The following SVEP1 variants were observed in gnomAD, a reference collection of about 807,000 sequenced individuals.
SVEP1 encodes the protein sushi, von Willebrand factor type A, EGF and pentraxin domain containing 1, also known as sushi, von Willebrand factor type A, EGF and pentraxin domain-containing protein 1.
In SVEP1, 164 loss-of-function variants were observed where a neutral mutation model predicts 367.3. The ratio of observed to expected loss-of-function variants is 0.45; its 90% confidence interval spans 0.39 to 0.51. The LOEUF is 0.51. SVEP1 is among the 20% of genes least tolerant of loss of function. The pLI, the probability that SVEP1 is intolerant of heterozygous loss-of-function variation, is 0.00. For synonymous variants in SVEP1, 1,666 were observed against 1,611.6 expected, an observed-to-expected ratio of 1.03 and a Z score of -0.81; for missense variants, 4,117 against 4,425.3, an observed-to-expected ratio of 0.93 and a Z score of 1.98.
At chr9:110,399,429 G>C (rs918157378) in intron 40 of SVEP1, among the ~76,000 whole-genome samples, 1 of 152,066 alleles carries the variant, frequency 6.6e-6, no homozygotes, top group Non-Finnish European at 1.5e-5. Flanking sequence ...CATGGCACAT[G>C]TATACATATG....
chr9:110,423,168 T>TAAAAA, intron 36 of SVEP1, among the ~76,000 whole-genome samples: 5 of 103,640 alleles, frequency 4.8e-5, no homozygotes, highest in South Asian at 3.1e-4. Context: ...AAAAATAAAG[T>TAAAAA]AAAAAAAAAA....
At chr9:110,464,466 T>C (rs988449994) in intron 18 of SVEP1, among the ~76,000 whole-genome samples, 2 of 152,228 alleles carry the variant, frequency 1.3e-5, no homozygotes, top group African/African-American at 4.8e-5. Flanking sequence ...AATGCACTTA[T>C]GAGGACTACA....
At chr9:110,525,590 C>T (rs1020175122) in intron 3 of SVEP1, among the ~76,000 whole-genome samples, 1 of 151,702 alleles carries the variant, frequency 6.6e-6, no homozygotes, top group Non-Finnish European at 1.5e-5. Context: ...TATGGGAAGG[C>T]AAAGAAATTA....
chr9:110,569,662 AT>A (rs1196903233), intron 1 of SVEP1, among the ~76,000 whole-genome samples: 1 of 152,032 alleles, frequency 6.6e-6, no homozygotes, highest in African/African-American at 2.4e-5. Flanking sequence ...CCCTTAAATT[AT>A]TTTTTTCTCT....
chr9:110,525,362 A>G (rs189626172), intron 3 of SVEP1, among the ~76,000 whole-genome samples: 277 of 152,320 alleles, frequency 1.8e-3, no homozygotes, highest in Non-Finnish European at 3.4e-3. Context: ...ATTATTTACT[A>G]TTGCTCAAAA....
intron 31 of SVEP1, among the ~76,000 whole-genome samples, 151 bp from the exon 32 acceptor site, chr9:110,432,185 T>C (rs1472891852): frequency 6.6e-6 from 1 of 152,218 alleles, no homozygotes; most frequent in Non-Finnish European, 1.5e-5. Context: ...ATAATCACAT[T>C]GCAGATATAC....
chr9:110,370,682 C>T (rs1827261812), intron 46 of SVEP1, among the ~76,000 whole-genome samples: 1 of 152,154 alleles, frequency 6.6e-6, no homozygotes, highest in Admixed American at 6.6e-5. Flanking sequence ...CTCACAAATC[C>T]ATAATCTCAT....
chr9:110,431,731 T>G (rs1828351898), intron 32 of SVEP1, among the ~76,000 whole-genome samples, 184 bp downstream of exon 32: 1 of 152,222 alleles, frequency 6.6e-6, no homozygotes, highest in Non-Finnish European at 1.5e-5. Flanking sequence ...GGAGGCACAA[T>G]GCTACTTTAA....
At chr9:110,447,107 C>G (rs1828613437) in intron 24 of SVEP1, 50 bp from the exon 25 acceptor site, 2 of 1,335,132 alleles carry the variant, frequency 1.5e-6, no homozygotes, top group South Asian at 4.2e-5. Context: ...TAGGAAGTCT[C>G]CCATTTATGA....
chr9:110,423,095 G>C (rs2991362), intron 36 of SVEP1, among the ~76,000 whole-genome samples: 2 of 127,466 alleles, frequency 1.6e-5, no homozygotes, highest in African/African-American at 3.1e-5. Flanking sequence ...CAATGTGCAC[G>C]TGTACCCTAA....
intron 41 of SVEP1, 43 bp downstream of exon 41, chr9:110,389,481 C>A (rs1827591322): frequency 6.2e-7 from 1 of 1,602,550 alleles, no homozygotes; most frequent in South Asian, 1.1e-5. Flanking sequence ...TATTTTGTGT[C>A]CTCAGTGTCA....
chr9:110,432,903 C>T (rs887157121), intron 30 of SVEP1, among the ~76,000 whole-genome samples: 2 of 152,192 alleles, frequency 1.3e-5, no homozygotes, highest in African/African-American at 2.4e-5. Flanking sequence ...GCCCAAATCT[C>T]ATGTTGAAAT....
At chr9:110,521,760 A>G (rs1032619089) in intron 3 of SVEP1, among the ~76,000 whole-genome samples, 4 of 152,190 alleles carry the variant, frequency 2.6e-5, no homozygotes, top group Non-Finnish European at 5.9e-5. Flanking sequence ...ATTGGCAAGT[A>G]CTTTTAGGAG....
chr9:110,401,105 A>C, intron 39 of SVEP1, 96 bp from the exon 40 acceptor site: 2 of 1,468,976 alleles, frequency 1.4e-6, no homozygotes, highest in Non-Finnish European at 1.8e-6. Context: ...AATAATCTCC[A>C]AAATGATAGT....
At chr9:110,507,901 T>C (rs541970432) in intron 5 of SVEP1, among the ~76,000 whole-genome samples, 2 of 152,318 alleles carry the variant, frequency 1.3e-5, no homozygotes, top group South Asian at 2.1e-4. Context: ...GATTTATTAC[T>C]GATAATAAAT....
intron 23 of SVEP1, among the ~76,000 whole-genome samples, 181 bp from the exon 24 acceptor site, chr9:110,450,441 T>C (rs575710114): frequency 1.3e-5 from 2 of 151,128 alleles, no homozygotes; most frequent in East Asian, 1.9e-4. Context: ...GTCATTTTTT[T>C]GTGGACTCTG....
chr9:110,551,158 T>A (rs900101718), intron 1 of SVEP1, among the ~76,000 whole-genome samples: 4 of 152,226 alleles, frequency 2.6e-5, no homozygotes, highest in African/African-American at 9.6e-5. Flanking sequence ...GACAACTGCA[T>A]CCTATGTTGT....
chr9:110,405,264 A>C (rs1827937457), intron 38 of SVEP1, among the ~76,000 whole-genome samples: 2 of 150,294 alleles, frequency 1.3e-5, no homozygotes, highest in South Asian at 4.2e-4. Context: ...TGTATTATGA[A>C]TACCTACATG....
intron 27 of SVEP1, 153 bp downstream of exon 27, chr9:110,443,392 C>A: frequency 7.1e-6 from 5 of 705,528 alleles, no homozygotes; most frequent in South Asian, 4.3e-5. Flanking sequence ...TCTAATAACC[C>A]ACAGTTAGGA....
Sources: gnomAD v4.1 joint callset for allele counts (sites outside exome capture counted in the v4.1 genomes callset) on GRCh38, gnomAD v4.1.1 for gene constraint, MANE v1.5 for transcripts, NCBI Gene and HGNC (gene_info 2026-07-23, HGNC 2026-07-21) for gene names.